The following SLC9A9 variants were observed in gnomAD, a reference collection of about 807,000 sequenced individuals.
SLC9A9 encodes the protein sodium/hydrogen exchanger 9.
SLC9A9 carries 62 observed loss-of-function variants against 77.8 expected under a neutral mutation model. The observed-to-expected ratio is 0.80, with a 90% CI of 0.65 to 0.98. SLC9A9 has a LOEUF of 0.98. Among genes scored for constraint, SLC9A9 ranks in the 50% least tolerant of loss-of-function variants. The pLI is 0.00. For synonymous variants in SLC9A9, 320 were observed against 283.5 expected, an observed-to-expected ratio of 1.13 and a Z score of -1.29; for missense variants, 775 against 774.9, an observed-to-expected ratio of 1.00 and a Z score of 0.00.
At chr3:143,315,351 T>C (rs991082708) in intron 14 of SLC9A9, among the ~76,000 whole-genome samples, 1 of 152,208 alleles carries the variant, frequency 6.6e-6, no homozygotes, top group African/African-American at 2.4e-5. Flanking sequence ...ACAGGGCTGA[T>C]GGGTGGTGAG....
rs73867642 is a variant in SLC9A9, at chr3:143,448,481, G to A, written c.1469+18556C>T. 7.7e-3 allele frequency among the ~76,000 whole-genome samples: 1,179 copies of A among 152,164 alleles called. 22 individuals are homozygous for A. The highest frequency in any genetic ancestry group is 0.027 in the African/African-American group (1,124 of 41,508). ...AGAAAAAATGAGCTTCTGGAATCAG[G>A]ACAAAGTTTTAGAAAATTGTTAGGC... On this transcript the variant is annotated intron_variant, in intron 12 of 15. Transcript: ENST00000316549.
chr3:143,475,110 T>C (rs1404248780), intron 11 of SLC9A9, among the ~76,000 whole-genome samples: 1 of 151,136 alleles, frequency 6.6e-6, no homozygotes, highest in Admixed American at 6.6e-5. Context: ...AGGCAAACAC[T>C]ACCACACCTG....
chr3:143,348,447 T>C (rs1422693040), intron 14 of SLC9A9, among the ~76,000 whole-genome samples: 3 of 152,228 alleles, frequency 2.0e-5, no homozygotes, highest in Non-Finnish European at 4.4e-5. Context: ...ATTTACTATA[T>C]GCCATCAAAC....
At chr3:143,718,772 A>G (rs907632309) in intron 4 of SLC9A9, among the ~76,000 whole-genome samples, 2 of 152,164 alleles carry the variant, frequency 1.3e-5, no homozygotes, top group Non-Finnish European at 2.9e-5. Context: ...TCTTTCATCA[A>G]AAATTATCAG....
At chr3:143,316,761 G>A (rs1015066192) in intron 14 of SLC9A9, among the ~76,000 whole-genome samples, 4 of 152,140 alleles carry the variant, frequency 2.6e-5, no homozygotes, top group African/African-American at 9.7e-5. Context: ...GGAATGAGAA[G>A]GAAAAACATA....
At chr3:143,686,820 C>T (rs1004441403) in intron 5 of SLC9A9, among the ~76,000 whole-genome samples, 7 of 152,134 alleles carry the variant, frequency 4.6e-5, no homozygotes, top group African/African-American at 1.7e-4. Context: ...AGCTGTTAAA[C>T]GAATCATCTA....
chr3:143,611,738 A>T (rs557712286), intron 6 of SLC9A9, among the ~76,000 whole-genome samples: 1 of 152,054 alleles, frequency 6.6e-6, no homozygotes, highest in African/African-American at 2.4e-5. Context: ...AAAGGAAAGA[A>T]CCCCCTTATT....
At chr3:143,815,602 A>C (rs1384329811) in intron 2 of SLC9A9, among the ~76,000 whole-genome samples, 5 of 152,174 alleles carry the variant, frequency 3.3e-5, no homozygotes, top group African/African-American at 4.8e-5. Context: ...GCAGTGGCTC[A>C]CACCTGTAAT....
intron 9 of SLC9A9, among the ~76,000 whole-genome samples, chr3:143,495,681 C>T (rs749788774): frequency 6.6e-5 from 10 of 152,152 alleles, no homozygotes; most frequent in South Asian, 2.1e-4. Flanking sequence ...GCCAGAGACA[C>T]GCCTGGGTAA....
At chr3:143,349,601 G>A (rs1422676358) in intron 14 of SLC9A9, among the ~76,000 whole-genome samples, 1 of 152,190 alleles carries the variant, frequency 6.6e-6, no homozygotes, top group Non-Finnish European at 1.5e-5. Context: ...TCAAGGTTCA[G>A]AGAGTTCAAG....
chr3:143,561,262 A>C (rs550128922), intron 8 of SLC9A9, among the ~76,000 whole-genome samples: 17 of 152,348 alleles, frequency 1.1e-4, no homozygotes, highest in African/African-American at 3.8e-4. Context: ...GATAACAATA[A>C]GTTTATACCA....
intron 11 of SLC9A9, among the ~76,000 whole-genome samples, chr3:143,476,081 T>A (rs1272520237): frequency 6.7e-6 from 1 of 148,750 alleles, no homozygotes; most frequent in Non-Finnish European, 1.5e-5. Context: ...ATTTCGTTTT[T>A]ACCCCTAATG....
intron 6 of SLC9A9, among the ~76,000 whole-genome samples, chr3:143,621,740 CA>C (rs1410819339): frequency 4.6e-5 from 7 of 152,266 alleles, no homozygotes; most frequent in Admixed American, 4.6e-4. Context: ...AGCTCCTCAC[CA>C]GCAATGGAAC....
intron 14 of SLC9A9, among the ~76,000 whole-genome samples, chr3:143,322,303 A>C (rs1230974684): frequency 6.6e-6 from 1 of 152,210 alleles, no homozygotes; most frequent in Non-Finnish European, 1.5e-5. Flanking sequence ...TGAAGGCCAG[A>C]CTAGAACTAA....
chr3:143,695,855 G>A lies in SLC9A9; in HGVS notation c.534-2548C>T, dbSNP rs78108704. Among the ~76,000 whole-genome samples, 102 of 152,246 alleles carry A rather than the reference G, an allele frequency of 6.7e-4. 1 individual carries two copies. In the South Asian group the frequency reaches 0.018, roughly 27 times the overall value. On this transcript the variant is annotated intron_variant, in intron 4 of 15. Coordinates refer to ENST00000316549, the MANE Select transcript of SLC9A9 (RefSeq NM_173653.4). ...TTTAATGATTGCCATTCTAACTGGC[G>A]TGAGATGGTTTCTCGTTGTGGTTTT...
intron 4 of SLC9A9, among the ~76,000 whole-genome samples, chr3:143,700,625 T>A (rs553449692): frequency 6.6e-6 from 1 of 152,298 alleles, no homozygotes; most frequent in East Asian, 1.9e-4. Context: ...ATCTCACAGT[T>A]TGAGTACCAG....
At chr3:143,741,583 C>T (rs1935073538) in intron 4 of SLC9A9, among the ~76,000 whole-genome samples, 1 of 152,076 alleles carries the variant, frequency 6.6e-6, no homozygotes, top group Non-Finnish European at 1.5e-5. Context: ...ATAATGACTT[C>T]CTTACAAAGA....
chr3:143,671,881 T>A (rs1002010457), intron 5 of SLC9A9, among the ~76,000 whole-genome samples: 6 of 152,206 alleles, frequency 3.9e-5, no homozygotes, highest in African/African-American at 9.6e-5. Flanking sequence ...TTCTCCCCCC[T>A]TGGAATTCAA....
intron 1 of SLC9A9, among the ~76,000 whole-genome samples, chr3:143,838,335 G>A (rs1293693698): frequency 6.6e-6 from 1 of 152,196 alleles, no homozygotes; most frequent in African/African-American, 2.4e-5. Flanking sequence ...CGCACATCAA[G>A]CAGTTTGCGA....
Sources: allele counts gnomAD v4.1 joint callset (sites outside exome capture counted in the v4.1 genomes callset), GRCh38; gene constraint gnomAD v4.1.1; transcripts MANE v1.5; gene names NCBI Gene and HGNC (gene_info 2026-07-23, HGNC 2026-07-21).